The following SAMD9L variants were observed in gnomAD, a reference collection of about 807,000 sequenced individuals.
The protein encoded by SAMD9L is sterile alpha motif domain containing 9 like.
A neutral mutation model predicts 90.7 loss-of-function variants in SAMD9L; 68 were observed. The observed-to-expected ratio is 0.75, with a 90% CI of 0.62 to 0.92. The LOEUF (loss-of-function observed/expected upper bound fraction) is 0.92, where lower values mean the gene tolerates loss of function less well. Among genes scored for constraint, SAMD9L ranks in the 40% least tolerant of loss-of-function variants. The pLI is 0.00. For missense variants in SAMD9L, 1,604 were observed against 1,824.3 expected (o/e 0.88, Z 2.20); for synonymous variants, 640 against 630.1 (o/e 1.02, Z -0.23).
At chr7:93,142,446 A>G (rs1792730130) in intron 4 of SAMD9L, among the ~76,000 whole-genome samples, 2 of 152,390 alleles carry the variant, frequency 1.3e-5, no homozygotes, top group East Asian at 1.9e-4. Flanking sequence ...CGATGAGACC[A>G]AAACCAACTC....
chr7:93,145,211 A>G (rs1387069683), intron 3 of SAMD9L, among the ~76,000 whole-genome samples, 174 bp downstream of exon 3: 1 of 152,244 alleles, frequency 6.6e-6, no homozygotes, highest in Non-Finnish European at 1.5e-5. Context: ...ATTGATTCTC[A>G]TATAAAAATA....
chr7:93,137,711 T>A (rs1792508990), intron 4 of SAMD9L, among the ~76,000 whole-genome samples: 1 of 149,968 alleles, frequency 6.7e-6, no homozygotes, highest in South Asian at 2.1e-4. Context: ...AATTTTTAGG[T>A]TCCTTAGGTT....
Sources: allele counts gnomAD v4.1 joint callset (sites outside exome capture counted in the v4.1 genomes callset), GRCh38; gene constraint gnomAD v4.1.1; transcripts MANE v1.5; gene names NCBI Gene and HGNC (gene_info 2026-07-23, HGNC 2026-07-21).